The following GOLM1 variants were observed in gnomAD, a reference collection of about 807,000 sequenced individuals.
The protein encoded by GOLM1 is golgi membrane protein 1.
GOLM1 carries 31 observed loss-of-function variants against 50.5 expected under a neutral mutation model. The observed-to-expected ratio is 0.61, with a 90% CI of 0.46 to 0.83. The LOEUF is 0.83. GOLM1 is among the 40% of genes least tolerant of loss of function. The pLI, the probability that GOLM1 is intolerant of heterozygous loss-of-function variation, is 0.00. For missense variants in GOLM1, 491 were observed against 501.3 expected, an observed-to-expected ratio of 0.98 and a Z score of 0.20; for synonymous variants, 178 against 192.8, an observed-to-expected ratio of 0.92 and a Z score of 0.64.
chr9:86,050,081 T>C (rs962086841), intron 4 of GOLM1, among the ~76,000 whole-genome samples: 11 of 152,242 alleles, frequency 7.2e-5, no homozygotes, highest in African/African-American at 2.7e-4. Flanking sequence ...TGAAGGGCTG[T>C]TGAATTTTGT....
intron 3 of GOLM1, among the ~76,000 whole-genome samples, chr9:86,063,704 G>C (rs1834226348): frequency 6.6e-6 from 1 of 152,192 alleles, no homozygotes; most frequent in African/African-American, 2.4e-5. Context: ...AGTCACTCAA[G>C]CAATTTTCTG....
At chr9:86,083,811 G>A (rs1587737130) in intron 1 of GOLM1, among the ~76,000 whole-genome samples, 1 of 152,174 alleles carries the variant, frequency 6.6e-6, no homozygotes, top group South Asian at 2.1e-4. Flanking sequence ...AATCCAAAAC[G>A]GTCTCTAAAA....
chr9:86,057,892 T>C (rs951340477), intron 3 of GOLM1, among the ~76,000 whole-genome samples: 1 of 152,222 alleles, frequency 6.6e-6, no homozygotes, highest in African/African-American at 2.4e-5. Context: ...TGTATTTCTT[T>C]GGCTCATTAA....
At chr9:86,049,544 C>T (rs1269814851) in intron 4 of GOLM1, among the ~76,000 whole-genome samples, 1 of 152,270 alleles carries the variant, frequency 6.6e-6, no homozygotes, top group Admixed American at 6.5e-5. Context: ...TCTTTTATTT[C>T]ATTGAGCAGT....
chr9:86,096,665 C>A (rs2118916873), intron 1 of GOLM1, among the ~76,000 whole-genome samples: 1 of 152,228 alleles, frequency 6.6e-6, no homozygotes, highest in Admixed American at 6.5e-5. Flanking sequence ...TCAGATCTGA[C>A]AAGACACAGG....
chr9:86,059,196 T>TACACCCAAGAGAAAGA (rs1306171324), intron 3 of GOLM1, among the ~76,000 whole-genome samples: 1 of 152,024 alleles, frequency 6.6e-6, no homozygotes, highest in East Asian at 1.9e-4. Context: ...CTTGTAGGTG[T>TACACCCAAGAGAAAGA]ACACCCAAGA....
intron 4 of GOLM1, among the ~76,000 whole-genome samples, chr9:86,052,247 A>G (rs1833777604): frequency 6.6e-6 from 1 of 152,248 alleles, no homozygotes; most frequent in African/African-American, 2.4e-5. Flanking sequence ...ATATGTATAT[A>G]TAACAGAACA....
chr9:86,058,567 G>C (rs1453941521), intron 3 of GOLM1, among the ~76,000 whole-genome samples: 1 of 151,946 alleles, frequency 6.6e-6, no homozygotes, highest in Non-Finnish European at 1.5e-5. Context: ...ATGGTGGTAT[G>C]TGCCTGTAGT....
intron 5 of GOLM1, among the ~76,000 whole-genome samples, chr9:86,042,361 G>C (rs1833384397): frequency 6.6e-6 from 1 of 152,178 alleles, no homozygotes; most frequent in Non-Finnish European, 1.5e-5. Flanking sequence ...TTACTGTTGT[G>C]CCCTCTCCAC....
At chr9:86,035,340 A>G in intron 8 of GOLM1, 28 bp downstream of exon 8, 1 of 1,606,160 alleles carries the variant, frequency 6.2e-7, no homozygotes, top group Non-Finnish European at 8.5e-7. Context: ...AAGGGAGTCC[A>G]CAGCGGCCCC....
At chr9:86,075,335 C>T (rs749908408) in intron 3 of GOLM1, among the ~76,000 whole-genome samples, 10 of 152,232 alleles carry the variant, frequency 6.6e-5, no homozygotes, top group African/African-American at 1.2e-4. Flanking sequence ...CTTACGACTG[C>T]GCCCACCACT....
chr9:86,035,970 C>T (rs556443378), intron 7 of GOLM1, among the ~76,000 whole-genome samples: 5 of 151,772 alleles, frequency 3.3e-5, no homozygotes, highest in Non-Finnish European at 5.9e-5. Flanking sequence ...TCATCGGGTC[C>T]GCTGGAGCAA....
chr9:86,072,960 T>C (rs867038779), intron 3 of GOLM1, among the ~76,000 whole-genome samples: 10 of 152,210 alleles, frequency 6.6e-5, no homozygotes, highest in Non-Finnish European at 1.5e-4. Context: ...TAAGTATTTG[T>C]GTATCTGAAC....
At chr9:86,068,356 G>A (rs1185660350) in intron 3 of GOLM1, among the ~76,000 whole-genome samples, 1 of 152,236 alleles carries the variant, frequency 6.6e-6, no homozygotes, top group African/African-American at 2.4e-5. Context: ...TATCTAGTCT[G>A]TATTAATTTG....
chr9:86,081,362 A>G lies in GOLM1; in HGVS notation c.-21-2021T>C, dbSNP rs141958885. Among the ~76,000 whole-genome samples, 439 of 151,872 alleles carry G rather than the reference A, an allele frequency of 2.9e-3. 2 individuals carry two copies. The highest frequency in any genetic ancestry group is 0.01 in the African/African-American group (419 of 41,422). ...CAGGCATGCACCACCACGGCCAGCT[A>G]ATTTTGTATTTTTAGTAGAGACGGG... is the stretch of plus-strand genomic sequence containing the variant. On this transcript the variant is annotated intron_variant, in intron 1 of 9. Transcript: ENST00000388712.
chr9:86,098,814 A>G (rs1421033193), intron 1 of GOLM1, among the ~76,000 whole-genome samples: 3 of 152,240 alleles, frequency 2.0e-5, no homozygotes, highest in Non-Finnish European at 4.4e-5. Context: ...AGCATCCACG[A>G]GAACGGGATG....
At chr9:86,046,959 T>C (rs1165324704) in intron 4 of GOLM1, among the ~76,000 whole-genome samples, 1 of 141,618 alleles carries the variant, frequency 7.1e-6, no homozygotes, top group East Asian at 4.6e-4. Context: ...CCTGGCCGAC[T>C]CATCCTTCCA....
intron 5 of GOLM1, among the ~76,000 whole-genome samples, chr9:86,043,067 G>A (rs1288893525): frequency 6.6e-6 from 1 of 152,158 alleles, no homozygotes; most frequent in Non-Finnish European, 1.5e-5. Flanking sequence ...CAAGTACAAG[G>A]ATCTATCAGG....
intron 5 of GOLM1, among the ~76,000 whole-genome samples, chr9:86,044,788 C>T (rs1052062847): frequency 1.3e-5 from 2 of 152,066 alleles, no homozygotes; most frequent in African/African-American, 4.8e-5. Flanking sequence ...CCCATCTCTA[C>T]TAAAAATACA....
Sources: gnomAD v4.1 joint callset for allele counts (sites outside exome capture counted in the v4.1 genomes callset) on GRCh38, gnomAD v4.1.1 for gene constraint, MANE v1.5 for transcripts, NCBI Gene and HGNC (gene_info 2026-07-23, HGNC 2026-07-21) for gene names.